MECOM: variants seen among roughly 807,000 people sequenced by gnomAD.
MECOM encodes the protein histone-lysine N-methyltransferase MECOM.
MECOM carries 13 observed loss-of-function variants against 116.3 expected under a neutral mutation model. The observed-to-expected ratio is 0.11, with a 90% CI of 0.07 to 0.18. The LOEUF (loss-of-function observed/expected upper bound fraction) is 0.18, where lower values mean the gene tolerates loss of function less well. Among genes scored for constraint, MECOM ranks in the 10% least tolerant of loss-of-function variants. MECOM has a pLI of 1.00. For missense variants in MECOM, 1,299 were observed against 1,509.0 expected (o/e 0.86, Z 2.31); for synonymous variants, 528 against 535.2 (o/e 0.99, Z 0.19).
chr3:169,552,598 G>A (rs371811738), intron 1 of MECOM, among the ~76,000 whole-genome samples: 5 of 152,144 alleles, frequency 3.3e-5, no homozygotes, highest in African/African-American at 4.8e-5. Context: ...CAGCTAGTTA[G>A]TGGTGGAGCC....
chr3:169,595,998 T>A (rs1767085523), intron 1 of MECOM, among the ~76,000 whole-genome samples: 1 of 152,226 alleles, frequency 6.6e-6, no homozygotes, highest in Non-Finnish European at 1.5e-5. Flanking sequence ...TATATTTTTC[T>A]GTTTTGAAAA....
intron 2 of MECOM, among the ~76,000 whole-genome samples, chr3:169,241,581 C>G (rs1754817130): frequency 6.6e-6 from 1 of 152,002 alleles, no homozygotes; most frequent in African/African-American, 2.4e-5. Flanking sequence ...ATTATCTACA[C>G]AAAAAGAACT....
chr3:169,555,209 C>CTTCATTCA (rs953146692), intron 1 of MECOM, among the ~76,000 whole-genome samples: 1 of 152,162 alleles, frequency 6.6e-6, no homozygotes. Flanking sequence ...TCCTTCATGT[C>CTTCATTCA]TTCATTCATT....
rs200888104 is a variant in MECOM at position 169,180,776 on chromosome 3, GTGTGTGTGTGTGGAGATGATATATATA to G, written c.376-36971_376-36945del. ...CCTTTCCAGTATTCTCTTTATGTATGTGTGTGTGTGTGGAGATGATATATATATATATATATATCAGGCTGTGTGTAT... is the reference window on the plus strand; with the variant it reads ...CCTTTCCAGTATTCTCTTTATGTATGTATATATATATCAGGCTGTGTGTAT... On this transcript the variant is annotated intron_variant, in intron 2 of 16. Coordinates refer to ENST00000651503, the MANE Select transcript of MECOM (RefSeq NM_004991.4). Among the ~76,000 whole-genome samples, 87 of 98,624 alleles carry G rather than the reference GTGTGTGTGTGTGGAGATGATATATATA, an allele frequency of 8.8e-4. 2 individuals carry two copies. The East Asian group carries it at 0.027, about 30-fold the overall frequency. 64.7% of individuals were successfully genotyped at this position (98,624 alleles called of 152,430 possible).
At chr3:169,191,790 G>A (rs1054387883) in intron 2 of MECOM, among the ~76,000 whole-genome samples, 1 of 149,120 alleles carries the variant, frequency 6.7e-6, no homozygotes, top group Non-Finnish European at 1.5e-5. Context: ...AAGAAAGAAA[G>A]AAAGGGAGGG....
At chr3:169,224,608 T>TGGCC (rs1560014474) in intron 2 of MECOM, among the ~76,000 whole-genome samples, 1 of 152,188 alleles carries the variant, frequency 6.6e-6, no homozygotes, top group Admixed American at 6.5e-5. Context: ...AAAAACTGAG[T>TGGCC]GGCCATTGGG....
In MECOM at chr3:169,427,916, T is replaced by C. The variant is rs79837034; in HGVS notation, c.38-46392A>G. ...GAATGTGGTCATAAGGAGGTAGTCT[T>C]TAAAGTGATAATTAAGTTAAAATGA... On this transcript the variant is annotated intron_variant, in intron 1 of 16. Transcript: ENST00000651503. 3.5e-3 allele frequency among the ~76,000 whole-genome samples: 529 copies of C among 152,312 alleles called. 8 individuals carry two copies. In the East Asian group the frequency reaches 0.048, roughly 14 times the overall value.
chr3:169,542,906 T>C (rs1655692652), intron 1 of MECOM, among the ~76,000 whole-genome samples: 1 of 152,226 alleles, frequency 6.6e-6, no homozygotes. Flanking sequence ...ACGCAAGCCA[T>C]AATGGTCCAC....
chr3:169,626,664 T>A (rs1252081842), intron 1 of MECOM, among the ~76,000 whole-genome samples: 1 of 152,184 alleles, frequency 6.6e-6, no homozygotes, highest in Non-Finnish European at 1.5e-5. Flanking sequence ...GCAGCCTAGC[T>A]TTTTTCCTTA....
chr3:169,304,520 T>C (rs1477397402), intron 2 of MECOM, among the ~76,000 whole-genome samples: 1 of 152,200 alleles, frequency 6.6e-6, no homozygotes, highest in Admixed American at 6.5e-5. Flanking sequence ...CTAGGCCACA[T>C]TTATAAGCTG....
Position 169,415,448 on chromosome 3 carries a change from A to G in MECOM, c.38-33924T>C, listed in dbSNP as rs184875151. 3.9e-3 allele frequency among the ~76,000 whole-genome samples: 601 copies of G among 152,350 alleles called. 8 individuals carry two copies. Among genetic ancestry groups the G allele is most frequent in the African/African-American group, 0.014 (588 of 41,580 alleles). ...AAAAACAAACCAAAATGTAAAGATC[A>G]TCGACACTATGAAGAAACTGCATCA... On this transcript the variant is annotated intron_variant, in intron 1 of 16. Coordinates refer to ENST00000651503, the MANE Select transcript of MECOM (RefSeq NM_004991.4).
intron 1 of MECOM, among the ~76,000 whole-genome samples, chr3:169,451,258 A>G (rs987521196): frequency 6.6e-6 from 1 of 152,076 alleles, no homozygotes; most frequent in Non-Finnish European, 1.5e-5. Flanking sequence ...TGGTGAAAAA[A>G]AAAAAAGCAA....
At position 169,381,272 on chromosome 3, in the gene MECOM, T is replaced by C. The variant is rs748025086; in HGVS notation, c.290A>G (p.Lys97Arg). Residue 97 changes from lysine (K) to arginine (R), a missense_variant, in exon 2 of 17, where the codon AAA becomes AGA. Lys to Arg is a conservative substitution (Grantham distance 26, BLOSUM62 2). Transcript: ENST00000651503. ...CTTTTCACCTACTTCGATCTTCCTT[T>C]TGGTCCATATTCCTAGTCCTGCCCC... ...MPGAGLGIWT[K>R]RKIEVGEKFG... 6.2e-7 allele frequency: 1 copy of C among 1,613,884 alleles called. No individual in the cohort carries two copies. Among genetic ancestry groups the C allele is most frequent in the East Asian group, 2.2e-5 (1 of 44,876 alleles).
At chr3:169,576,834 C>CAG (rs1279290609) in intron 1 of MECOM, among the ~76,000 whole-genome samples, 1,100 of 91,984 alleles carry the variant, frequency 0.012, 12 homozygotes, top group African/African-American at 0.028. Context: ...CACACACACA[C>CAG]ACACAGAGAG....
At chr3:169,543,286 T>C (rs1479783643) in intron 1 of MECOM, among the ~76,000 whole-genome samples, 2 of 152,158 alleles carry the variant, frequency 1.3e-5, no homozygotes, top group Non-Finnish European at 2.9e-5. Context: ...TAAAAAAAAG[T>C]ATTTGAGACT....
Position 169,576,838 on chromosome 3 carries a change from C to CACACAGAG in MECOM, c.37+86497_37+86498insCTCTGTGT, listed in dbSNP as rs368016499. 3.8e-4 allele frequency among the ~76,000 whole-genome samples: 47 copies of CACACAGAG among 125,110 alleles called. 1 individual carries two copies. Among genetic ancestry groups the CACACAGAG allele is most frequent in the Admixed American group, 1.2e-3 (14 of 12,092 alleles). 82.1% of individuals were successfully genotyped at this position (125,110 alleles called of 152,430 possible). A position where few individuals can be genotyped will look rare whatever the true frequency, so the allele number is the denominator to read the frequency against. On this transcript the variant is annotated intron_variant, in intron 1 of 16. Transcript: ENST00000651503. ...ACACACACACACACACACACACACA[C>CACACAGAG]AGAGAGAGAGAGAGAGAGTTAAGAG...
intron 2 of MECOM, among the ~76,000 whole-genome samples, chr3:169,189,607 T>A (rs1439810616): frequency 6.6e-6 from 1 of 152,104 alleles, no homozygotes; most frequent in East Asian, 1.9e-4. Flanking sequence ...TAAAACGTCT[T>A]ACCTTTCTTC....
chr3:169,187,706 A>T lies in MECOM; in HGVS notation c.376-43874T>A, dbSNP rs140008740. On this transcript the variant is annotated intron_variant, in intron 2 of 16. Transcript: ENST00000651503. ...TGGCCTACAATAAATTTATTTTTCCAAGAAAATGAAATGGAACAAGAGACC... is the reference window on the plus strand; with the variant it reads ...TGGCCTACAATAAATTTATTTTTCCTAGAAAATGAAATGGAACAAGAGACC... 3.1e-4 allele frequency among the ~76,000 whole-genome samples: 47 copies of T among 152,276 alleles called. 1 individual carries two copies. In the East Asian group the frequency reaches 8.3e-3, roughly 27 times the overall value.
chr3:169,599,496 A>T (rs1767564478), intron 1 of MECOM, among the ~76,000 whole-genome samples: 1 of 143,474 alleles, frequency 7.0e-6, no homozygotes, highest in African/African-American at 2.7e-5. Context: ...CTGGCGACAG[A>T]GTGAGACTCT....
Sources: gnomAD v4.1 joint callset for allele counts (sites outside exome capture counted in the v4.1 genomes callset) on GRCh38, gnomAD v4.1.1 for gene constraint, MANE v1.5 for transcripts, NCBI Gene and HGNC (gene_info 2026-07-23, HGNC 2026-07-21) for gene names.